Variants in ZDHHC17 observed in about 807,000 individuals in gnomAD.
ZDHHC17 encodes palmitoyltransferase ZDHHC17.
ZDHHC17 carries 40 observed loss-of-function variants against 90.3 expected under a neutral mutation model. The ratio of observed to expected loss-of-function variants is 0.44; its 90% confidence interval spans 0.34 to 0.58. The LOEUF is 0.58. Among genes scored for constraint, ZDHHC17 ranks in the 20% least tolerant of loss-of-function variants. ZDHHC17 has a pLI of 0.01. For missense variants in ZDHHC17, 614 were observed against 780.8 expected, an observed-to-expected ratio of 0.79 and a Z score of 2.55; for synonymous variants, 235 against 252.4, an observed-to-expected ratio of 0.93 and a Z score of 0.65.
intron 7 of ZDHHC17, among the ~76,000 whole-genome samples, chr12:76,819,552 A>C (rs1256217534): frequency 6.6e-6 from 1 of 152,224 alleles, no homozygotes. Context: ...TTTCCCTAAA[A>C]TACCTATTTT....
chr12:76,764,303 G>A lies in ZDHHC17; in HGVS notation c.67G>A (p.Gly23Ser). Residue 23 changes from glycine (G) to serine (S), a missense_variant, in exon 1 of 17, where the codon GGC (glycine) becomes AGC (serine). Coordinates refer to ENST00000426126, the MANE Select transcript of ZDHHC17 (RefSeq NM_015336.4). ...CCCGGATGAGTACGATACCGAAGCG[G>A]GCTGTGTGCCCCTTCTCCACCCAGA... The part of the protein sequence containing the change: ...DGPDEYDTEA[G>S]CVPLLHPEEI... 1 of 1,604,988 alleles carries A rather than the reference G, an allele frequency of 6.2e-7. No individual in the cohort carries two copies.
intron 1 of ZDHHC17, among the ~76,000 whole-genome samples, chr12:76,776,583 A>G (rs948682187): frequency 3.9e-5 from 6 of 152,290 alleles, no homozygotes; most frequent in Admixed American, 6.5e-5. Context: ...GCACATAACG[A>G]TCTTCCCTAT....
intron 1 of ZDHHC17, among the ~76,000 whole-genome samples, chr12:76,770,007 A>G (rs1952475043): frequency 6.6e-6 from 1 of 152,156 alleles, no homozygotes; most frequent in African/African-American, 2.4e-5. Flanking sequence ...AAAGTGAGCA[A>G]TGGTGTTAGG....
At chr12:76,846,553 T>G (rs1289408431) in intron 13 of ZDHHC17, 43 bp from the exon 14 acceptor site, 1 of 1,539,714 alleles carries the variant, frequency 6.5e-7, no homozygotes, top group South Asian at 1.2e-5. Flanking sequence ...TACCCGTTGT[T>G]TTTTTCTTAG....
In ZDHHC17 at chr12:76,851,868, C is replaced by A. The variant is rs1953571381; in HGVS notation, c.*883C>A. 1 of 152,612 alleles carries A rather than the reference C, an allele frequency of 6.6e-6. No individual in the cohort carries two copies. Among genetic ancestry groups the A allele is most frequent in the South Asian group, 2.1e-4 (1 of 4,836 alleles). The allele number at this position is 152,612 out of a possible 1,614,324, so 9.5% of individuals were successfully genotyped here. A position where few individuals can be genotyped will look rare whatever the true frequency, so the allele number is the denominator to read the frequency against. ...AAGGCAGAACAAATAATGCAAAATT[C>A]TCAGTAATAGTGATACATGGATATA... On this transcript the variant is annotated 3_prime_UTR_variant, in exon 17 of 17. Coordinates refer to ENST00000426126, the MANE Select transcript of ZDHHC17 (RefSeq NM_015336.4).
chr12:76,815,086 C>A, intron 5 of ZDHHC17, 60 bp from the exon 6 acceptor site: 4 of 1,278,572 alleles, frequency 3.1e-6, no homozygotes, highest in South Asian at 1.4e-5. Flanking sequence ...TTTTTCCAAG[C>A]AAATTTGGTT....
chr12:76,822,286 C>A, intron 7 of ZDHHC17, 120 bp from the exon 8 acceptor site: 1 of 1,299,032 alleles, frequency 7.7e-7, no homozygotes, highest in Non-Finnish European at 1.1e-6. Flanking sequence ...TAGTAATTTA[C>A]ACAATGTCAA....
At chr12:76,770,667 G>C (rs1269652597) in intron 1 of ZDHHC17, among the ~76,000 whole-genome samples, 1 of 152,180 alleles carries the variant, frequency 6.6e-6, no homozygotes, top group Non-Finnish European at 1.5e-5. Context: ...GCCGGGCTTG[G>C]TGGCTTACGC....
intron 1 of ZDHHC17, among the ~76,000 whole-genome samples, chr12:76,797,215 A>G (rs1221212793): frequency 6.6e-6 from 1 of 152,156 alleles, no homozygotes; most frequent in African/African-American, 2.4e-5. Flanking sequence ...GGGAGCCGAG[A>G]TCGCGTCACT....
chr12:76,835,778 C>A (rs1022936520), intron 10 of ZDHHC17, among the ~76,000 whole-genome samples: 1 of 151,946 alleles, frequency 6.6e-6, no homozygotes, highest in Non-Finnish European at 1.5e-5. Flanking sequence ...GGAATAGACA[C>A]AGAATGAGCA....
intron 5 of ZDHHC17, chr12:76,813,373 C>T (rs1444452365): frequency 2.2e-6 from 1 of 451,132 alleles, no homozygotes; most frequent in East Asian, 7.1e-5. Flanking sequence ...AGAAGATATT[C>T]CTGACAACAC....
intron 10 of ZDHHC17, among the ~76,000 whole-genome samples, chr12:76,834,458 A>G (rs893893456): frequency 6.6e-6 from 1 of 152,166 alleles, no homozygotes. Flanking sequence ...AAAATCAAGA[A>G]TGTGCAGAAT....
chr12:76,834,707 T>C (rs2137794785), intron 10 of ZDHHC17, among the ~76,000 whole-genome samples: 1 of 152,328 alleles, frequency 6.6e-6, no homozygotes, highest in Non-Finnish European at 1.5e-5. Flanking sequence ...ACATTCTCAA[T>C]CATGTGCATT....
chr12:76,842,140 A>G (rs1353930146), intron 11 of ZDHHC17, 34 bp downstream of exon 11: 1 of 1,528,732 alleles, frequency 6.5e-7, no homozygotes, highest in Non-Finnish European at 8.8e-7. Context: ...CTTGTATTTA[A>G]CTGCCAGATT....
At chr12:76,841,407 GTTAT>G (rs1953433125) in intron 10 of ZDHHC17, among the ~76,000 whole-genome samples, 2 of 152,118 alleles carry the variant, frequency 1.3e-5, no homozygotes, top group South Asian at 4.2e-4. Context: ...TTTTTATAGT[GTTAT>G]TTAAATTGTT....
intron 1 of ZDHHC17, among the ~76,000 whole-genome samples, chr12:76,796,527 A>G (rs1952821332): frequency 6.6e-6 from 1 of 152,044 alleles, no homozygotes; most frequent in African/African-American, 2.4e-5. Context: ...ATATATATGG[A>G]TTTTTATATA....
chr12:76,849,423 A>C lies in ZDHHC17; in HGVS notation c.1713A>C (p.Arg571Ser). The C allele has an allele frequency of 6.4e-7, 1 of 1,557,868 alleles. No individual in the cohort carries two copies. Among genetic ancestry groups the C allele is most frequent in the Non-Finnish European group, 8.7e-7 (1 of 1,149,778 alleles). The change falls in exon 16 of 17, where the codon AGA (arginine) becomes AGC (serine). Residue 571 changes from arginine (R) to serine (S), a missense_variant. By Grantham distance (110) the Arg-to-Ser change is moderately radical. Coordinates refer to ENST00000426126, the MANE Select transcript of ZDHHC17 (RefSeq NM_015336.4). ...ITTNERMNAR[R>S]YKHFKVTTTS... ...CAAATGAAAGAATGAATGCCAGGAG[A>C]TACAAGCACTTTAAAGTCACAACAA...
At chr12:76,847,716 G>A (rs1298947008) in intron 14 of ZDHHC17, among the ~76,000 whole-genome samples, 1 of 152,064 alleles carries the variant, frequency 6.6e-6, no homozygotes, top group African/African-American at 2.4e-5. Context: ...AAATTAGCCC[G>A]GTGTGGTAGC....
chr12:76,813,115 T>A (rs1438072912), intron 5 of ZDHHC17, among the ~76,000 whole-genome samples: 1 of 152,112 alleles, frequency 6.6e-6, no homozygotes, highest in Non-Finnish European at 1.5e-5. Context: ...TATCATTTTT[T>A]AAAAAGGATA....
Sources: gnomAD v4.1 joint callset for allele counts (sites outside exome capture counted in the v4.1 genomes callset) on GRCh38, gnomAD v4.1.1 for gene constraint, MANE v1.5 for transcripts, NCBI Gene and HGNC (gene_info 2026-07-23, HGNC 2026-07-21) for gene names.